DAPK1: variants seen among roughly 807,000 people sequenced by gnomAD.
DAPK1 encodes the protein death-associated protein kinase 1.
A neutral mutation model predicts 144.9 loss-of-function variants in DAPK1; 56 were observed. That is an observed-to-expected ratio of 0.39 (90% CI 0.31 to 0.48). The LOEUF is 0.48. Ranked by LOEUF, DAPK1 falls within the 20% of genes least tolerant of loss-of-function variation. The pLI, the probability that DAPK1 is intolerant of heterozygous loss-of-function variation, is 0.95. For synonymous variants in DAPK1, 690 were observed against 749.0 expected (o/e 0.92, Z 1.29); for missense variants, 1,454 against 1,875.4 (o/e 0.78, Z 4.15).
Position 87,533,058 on chromosome 9 carries a change from T to A in DAPK1, c.62+33919T>A, listed in dbSNP as rs116436709. Among the ~76,000 whole-genome samples, 681 of 152,184 alleles carry A rather than the reference T, an allele frequency of 4.5e-3. 3 individuals are homozygous for A. The highest frequency in any genetic ancestry group is 0.016 in the African/African-American group (667 of 41,508). On this transcript the variant is annotated intron_variant, in intron 2 of 25. Transcript: ENST00000408954. Reference sequence around the variant, plus strand: ...ATAAAAGGTGGGAGTTAAAAGCAGATGGGAACAAGCAGAATGATATAATGT... The same window carrying A: ...ATAAAAGGTGGGAGTTAAAAGCAGAAGGGAACAAGCAGAATGATATAATGT...
intron 21 of DAPK1, among the ~76,000 whole-genome samples, chr9:87,688,476 C>T (rs1440607924): frequency 6.6e-6 from 1 of 152,158 alleles, no homozygotes; most frequent in Admixed American, 6.5e-5. Flanking sequence ...ATTGCTGGGT[C>T]AAACAGTAGT....
Position 87,626,441 on chromosome 9 carries a change from AAACAACAAC to A in DAPK1, c.285-11490_285-11482del, listed in dbSNP as rs35079710. 1.5e-3 allele frequency among the ~76,000 whole-genome samples: 227 copies of A among 151,500 alleles called. 1 individual carries two copies. Among genetic ancestry groups the A allele is most frequent in the African/African-American group, 5.2e-3 (216 of 41,218 alleles). On this transcript the variant is annotated intron_variant, in intron 3 of 25. Coordinates refer to ENST00000408954, the MANE Select transcript of DAPK1 (RefSeq NM_004938.4). ...TTTAAAAAACAAACAAACAAACAAA[AAACAACAAC>A]AACAACAACAAGCAAGTGAGGACGC... is the stretch of plus-strand genomic sequence containing the variant.
At chr9:87,701,641 T>C (rs560237720) in intron 24 of DAPK1, among the ~76,000 whole-genome samples, 54 of 152,010 alleles carry the variant, frequency 3.6e-4, no homozygotes, top group African/African-American at 1.2e-3. Context: ...CTCTGGAGTC[T>C]TCCTGCTGCC....
At chr9:87,702,429 ACACT>A (rs1462392596) in intron 24 of DAPK1, among the ~76,000 whole-genome samples, 2 of 152,214 alleles carry the variant, frequency 1.3e-5, no homozygotes, top group Admixed American at 6.5e-5. Context: ...TTACTGGTAA[ACACT>A]CACTCTAATA....
At chr9:87,563,204 T>C (rs905576433) in intron 2 of DAPK1, among the ~76,000 whole-genome samples, 3 of 152,224 alleles carry the variant, frequency 2.0e-5, no homozygotes, top group Non-Finnish European at 4.4e-5. Flanking sequence ...ATTTCTAAGT[T>C]TATAAGTACA....
At chr9:87,560,912 C>T (rs551866277) in intron 2 of DAPK1, among the ~76,000 whole-genome samples, 2 of 152,140 alleles carry the variant, frequency 1.3e-5, no homozygotes, top group East Asian at 3.9e-4. Flanking sequence ...GTGATCCACC[C>T]ACCTCGGCCT....
intron 25 of DAPK1, among the ~76,000 whole-genome samples, chr9:87,704,571 A>G (rs1449699177): frequency 6.6e-6 from 1 of 152,166 alleles, no homozygotes; most frequent in Non-Finnish European, 1.5e-5. Flanking sequence ...AGGGTCCCAC[A>G]CTACGTTTAG....
At chr9:87,504,553 C>G (rs978909125) in intron 2 of DAPK1, among the ~76,000 whole-genome samples, 1 of 152,132 alleles carries the variant, frequency 6.6e-6, no homozygotes, top group African/African-American at 2.4e-5. Context: ...GCTTGTGTCT[C>G]CCCGGCCAAT....
At chr9:87,512,649 C>A (rs1824891622) in intron 2 of DAPK1, among the ~76,000 whole-genome samples, 1 of 152,094 alleles carries the variant, frequency 6.6e-6, no homozygotes, top group Non-Finnish European at 1.5e-5. Context: ...TGAGAGGCTG[C>A]TTTCTTTTTT....
At chr9:87,583,410 T>G (rs948646515) in intron 2 of DAPK1, among the ~76,000 whole-genome samples, 1 of 152,180 alleles carries the variant, frequency 6.6e-6, no homozygotes, top group Non-Finnish European at 1.5e-5. Context: ...TACCCTCAAA[T>G]GCGTACAGCA....
intron 2 of DAPK1, among the ~76,000 whole-genome samples, chr9:87,586,967 C>A (rs1167855665): frequency 6.6e-6 from 1 of 152,262 alleles, no homozygotes; most frequent in African/African-American, 2.4e-5. Context: ...ATTTCACCCA[C>A]CTGTCCAGTG....
Position 87,647,514 on chromosome 9 carries a change from A to G in DAPK1, c.1329+111A>G, listed in dbSNP as rs1016682512. 3.5e-6 allele frequency: 3 copies of G among 848,772 alleles called. No individual in the cohort carries two copies. In the East Asian group the frequency reaches 7.5e-5, roughly 21 times the overall value. 52.6% of individuals were successfully genotyped at this position (848,772 alleles called of 1,614,324 possible). A position where few individuals can be genotyped will look rare whatever the true frequency, so the allele number is the denominator to read the frequency against. The stretch of plus-strand genomic sequence containing the variant: ...GACCCAAAGGAAAGGAATCAGGACC[A>G]GAATTCACCTGCAGAACATTTAAGT... On this transcript the variant is annotated intron_variant, in intron 14 of 25. Coordinates refer to ENST00000408954, the MANE Select transcript of DAPK1 (RefSeq NM_004938.4).
chr9:87,598,898 A>G (rs1040529627), intron 2 of DAPK1, among the ~76,000 whole-genome samples: 1 of 152,210 alleles, frequency 6.6e-6, no homozygotes, highest in Non-Finnish European at 1.5e-5. Context: ...CTGAATTCAC[A>G]AACATGTTGT....
intron 19 of DAPK1, among the ~76,000 whole-genome samples, chr9:87,669,266 T>G (rs2119279433): frequency 6.6e-6 from 1 of 151,100 alleles, no homozygotes; most frequent in South Asian, 2.1e-4. Flanking sequence ...TAAAGGGTCC[T>G]ACAGCCATAG....
At chr9:87,499,531 A>T (rs2117970192) in intron 2 of DAPK1, among the ~76,000 whole-genome samples, 1 of 152,352 alleles carries the variant, frequency 6.6e-6, no homozygotes, top group South Asian at 2.1e-4. Flanking sequence ...AATAGGTTTT[A>T]AAAATCTTAG....
intron 23 of DAPK1, among the ~76,000 whole-genome samples, chr9:87,699,022 C>T (rs1234674290): frequency 6.6e-6 from 1 of 152,150 alleles, no homozygotes; most frequent in Non-Finnish European, 1.5e-5. Context: ...AATATATGTA[C>T]ATATACATAG....
chr9:87,531,352 C>A (rs1014131477), intron 2 of DAPK1, among the ~76,000 whole-genome samples: 1 of 152,130 alleles, frequency 6.6e-6, no homozygotes, highest in African/African-American at 2.4e-5. Flanking sequence ...TGAAAATGGA[C>A]GTGATTTTTC....
At position 87,699,790 on chromosome 9, in the gene DAPK1, T is replaced by C. The variant is rs574773892; in HGVS notation, c.2751-327T>C. On this transcript the variant is annotated intron_variant, in intron 23 of 25. Transcript: ENST00000408954. Reference sequence around the variant, plus strand: ...CCTCCACTTTCCACAGTATCTCTTGTCCTCACTTGTAAGGTGCGAGCATTA... The same window carrying C: ...CCTCCACTTTCCACAGTATCTCTTGCCCTCACTTGTAAGGTGCGAGCATTA... Among the ~76,000 whole-genome samples, 4 of 152,342 alleles carry C rather than the reference T, an allele frequency of 2.6e-5. No homozygotes were observed. The South Asian group carries it at 8.3e-4, about 32-fold the overall frequency.
At chr9:87,516,318 A>G (rs1275019428) in intron 2 of DAPK1, among the ~76,000 whole-genome samples, 1 of 152,148 alleles carries the variant, frequency 6.6e-6, no homozygotes, top group Non-Finnish European at 1.5e-5. Context: ...GCTGTGGTCT[A>G]GGCCATATCG....
Sources: gnomAD v4.1 joint callset for allele counts (sites outside exome capture counted in the v4.1 genomes callset) on GRCh38, gnomAD v4.1.1 for gene constraint, MANE v1.5 for transcripts, NCBI Gene and HGNC (gene_info 2026-07-23, HGNC 2026-07-21) for gene names.